TSPEAR: variants seen among roughly 807,000 people sequenced by gnomAD.
TSPEAR encodes the protein thrombospondin type laminin G domain and EAR repeats, also known as thrombospondin-type laminin G domain and EAR repeat-containing protein.
In TSPEAR, 69 loss-of-function variants were observed where a neutral mutation model predicts 71.6. The observed-to-expected ratio is 0.96, with a 90% CI of 0.79 to 1.18. TSPEAR has a LOEUF of 1.18. Among genes scored for constraint, TSPEAR ranks in the 50% most tolerant of loss-of-function variants. TSPEAR has a pLI of 0.00. For missense variants in TSPEAR, 971 were observed against 894.9 expected (o/e 1.09, Z -1.09); for synonymous variants, 402 against 387.2 (o/e 1.04, Z -0.45).
Position 44,710,899 on chromosome 21 carries a change from A to G in TSPEAR, c.82+534T>C, listed in dbSNP as rs1315875647. 6.6e-6 allele frequency among the ~76,000 whole-genome samples: 1 copy of G among 152,104 alleles called. No individual in the cohort carries two copies. The highest frequency in any genetic ancestry group is 6.5e-5 in the Admixed American group (1 of 15,286). ...CTCCACTCAGACCAGATTACGCCCC[A>G]AAGAACCGAGCCCTTCACTCCAGAG... On this transcript the variant is annotated intron_variant, in intron 1 of 11. Transcript: ENST00000323084. The surrounding 1 kb of genome is among the most constrained non-coding windows in gnomAD (Gnocchi z 4.6).
rs782788968 is a variant in TSPEAR at position 44,601,280 on chromosome 21, C to A, written c.83-33275G>T. 9 of 1,609,210 alleles carry A rather than the reference C, an allele frequency of 5.6e-6. No homozygotes were observed. In the South Asian group the frequency reaches 8.8e-5, roughly 16 times the overall value. On this transcript the variant is annotated intron_variant, in intron 1 of 11. Transcript: ENST00000323084. ...TCTAGCTGCAAGCCGGCTTGCTGCA[C>A]CTCCTCCCCTTGCCAGCAGGCCTGC...
At chr21:44,525,239 T>C (rs995306053) in intron 8 of TSPEAR, among the ~76,000 whole-genome samples, 1 of 152,142 alleles carries the variant, frequency 6.6e-6, no homozygotes, top group African/African-American at 2.4e-5. Flanking sequence ...GTCAGGTAGT[T>C]AGTCATGTAA....
chr21:44,702,626 G>A, intron 1 of TSPEAR: 3 of 1,601,546 alleles, frequency 1.9e-6, no homozygotes, highest in Non-Finnish European at 2.6e-6. Flanking sequence ...TCCCTCCTCT[G>A]CCACCCTGTG....
intron 1 of TSPEAR, chr21:44,676,068 A>G (rs1986298851): frequency 3.4e-6 from 3 of 870,438 alleles, no homozygotes; most frequent in Admixed American, 3.4e-5. Context: ...TAGGAGGCAT[A>G]TGACAGTAAT....
At chr21:44,573,723 T>C in intron 1 of TSPEAR, 1 of 1,588,078 alleles carries the variant, frequency 6.3e-7, no homozygotes, top group Non-Finnish European at 8.6e-7. Context: ...CCCTCCCATC[T>C]CCCCCAGCTC....
chr21:44,544,919 A>C (rs1160260719), intron 2 of TSPEAR, among the ~76,000 whole-genome samples: 2 of 152,198 alleles, frequency 1.3e-5, no homozygotes, highest in African/African-American at 4.8e-5. Context: ...ATCTAATATC[A>C]GATCACCAAA....
chr21:44,549,815 C>T (rs1185795382), intron 2 of TSPEAR, among the ~76,000 whole-genome samples: 1 of 152,232 alleles, frequency 6.6e-6, no homozygotes, highest in African/African-American at 2.4e-5. Flanking sequence ...CTCCGCCCAC[C>T]CAGCCCAGCA....
At chr21:44,666,278 G>T in intron 1 of TSPEAR, 1 of 882,328 alleles carries the variant, frequency 1.1e-6, no homozygotes, top group Non-Finnish European at 1.7e-6. Flanking sequence ...GGCAAGGTCA[G>T]CAAGGGCTCC....
At chr21:44,538,306 T>C (rs2078783951) in intron 2 of TSPEAR, among the ~76,000 whole-genome samples, 1 of 152,066 alleles carries the variant, frequency 6.6e-6, no homozygotes, top group South Asian at 2.1e-4. Context: ...AGGCAGCTCA[T>C]GCTCCCCGCG....
In TSPEAR at chr21:44,525,660, G is replaced by A; in HGVS notation, c.1329C>T (p.His443=). The stretch of plus-strand genomic sequence containing the variant: ...AGGCCACTCCTGCCCTACCTTCCCG[G>A]TGGTTGGCCACCGCCAGGAAGTGCT... ...DGEHFLAVAN[H]REGDNHNIDS... The change falls in exon 8 of 12, where the codon CAC becomes CAT. Residue 443 remains histidine (H), a synonymous_variant. Transcript: ENST00000323084. The A allele has an allele frequency of 5.6e-6, 9 of 1,614,110 alleles. No homozygotes were observed. The highest frequency in any genetic ancestry group is 7.6e-6 in the Non-Finnish European group (9 of 1,180,002).
At position 44,678,245 on chromosome 21, in the gene TSPEAR, C is replaced by T. The variant is rs369091155; in HGVS notation, c.82+33188G>A. ...CCCAAACTTGAAATGTAATCCCCAG[C>T]GCTGGAGGTGGAGCCTGGTAGGAGG... is the stretch of plus-strand genomic sequence containing the variant. On this transcript the variant is annotated intron_variant, in intron 1 of 11. Transcript: ENST00000323084. 7.2e-5 allele frequency among the ~76,000 whole-genome samples: 11 copies of T among 152,146 alleles called. No homozygotes were observed. The South Asian group carries it at 8.3e-4, about 11-fold the overall frequency.
At chr21:44,541,515 G>C (rs2053222739) in intron 2 of TSPEAR, among the ~76,000 whole-genome samples, 1 of 152,200 alleles carries the variant, frequency 6.6e-6, no homozygotes, top group Non-Finnish European at 1.5e-5. Context: ...GCATTAGAGA[G>C]AAACTGCACA....
rs1555914826 is a variant in TSPEAR at position 44,525,663 on chromosome 21, G to A, written c.1326C>T (p.Asn442=). The A allele has an allele frequency of 6.2e-7, 1 of 1,613,996 alleles. No individual in the cohort carries two copies. Among genetic ancestry groups the A allele is most frequent in the African/African-American group, 1.3e-5 (1 of 74,918 alleles). ...VDGEHFLAVA[N]HREGDNHNID... is the part of the protein sequence containing the mutation. ...CCACTCCTGCCCTACCTTCCCGGTGGTTGGCCACCGCCAGGAAGTGCTCCC... is the reference window on the plus strand; with the variant it reads ...CCACTCCTGCCCTACCTTCCCGGTGATTGGCCACCGCCAGGAAGTGCTCCC... The change falls in exon 8 of 12, where the codon AAC becomes AAT. Residue 442 remains asparagine, a synonymous_variant. Transcript: ENST00000323084.
chr21:44,616,802 G>C (rs1211458648), intron 1 of TSPEAR, among the ~76,000 whole-genome samples: 1 of 152,240 alleles, frequency 6.6e-6, no homozygotes, highest in Non-Finnish European at 1.5e-5. Context: ...AAGGCAGCAC[G>C]TGCCCGCACA....
chr21:44,583,067 T>C (rs782247478), intron 1 of TSPEAR, among the ~76,000 whole-genome samples: 1 of 152,112 alleles, frequency 6.6e-6, no homozygotes, highest in Non-Finnish European at 1.5e-5. Context: ...GTCTCGAACT[T>C]ATGGCCTCAA....
rs782437471 is a variant in TSPEAR at position 44,525,635 on chromosome 21, A to G, written c.1336+18T>C. 11 of 1,611,160 alleles carry G rather than the reference A, an allele frequency of 6.8e-6. No individual in the cohort carries two copies. The African/African-American group carries it at 1.5e-4, about 22-fold the overall frequency. Reference sequence around the variant, plus strand: ...CTGGAATGGTTGCCTCCCGGTGTGAAGGCCACTCCTGCCCTACCTTCCCGG... The same window carrying G: ...CTGGAATGGTTGCCTCCCGGTGTGAGGGCCACTCCTGCCCTACCTTCCCGG... On this transcript the variant is annotated intron_variant, in intron 8 of 11. Coordinates refer to ENST00000323084, the MANE Select transcript of TSPEAR (RefSeq NM_144991.3).
rs587616678 is a variant in TSPEAR at position 44,506,041 on chromosome 21, G to A, written c.1755-1160C>T. The stretch of plus-strand genomic sequence containing the variant: ...TTCTTCTCTCAGCATTGTGTCTTCA[G>A]CTGTGAGGTCAGCGGCCGTGAGGTC... On this transcript the variant is annotated intron_variant, in intron 10 of 11. Coordinates refer to ENST00000323084, the MANE Select transcript of TSPEAR (RefSeq NM_144991.3). This position sits in a 1 kb window ranked among gnomAD's most constrained non-coding sequence, Gnocchi z 4.2. 6.6e-6 allele frequency among the ~76,000 whole-genome samples: 1 copy of A among 152,310 alleles called. No homozygotes were observed. The highest frequency in any genetic ancestry group is 2.1e-4 in the South Asian group (1 of 4,826).
At chr21:44,668,378 T>A (rs987490443) in intron 1 of TSPEAR, among the ~76,000 whole-genome samples, 8 of 152,020 alleles carry the variant, frequency 5.3e-5, no homozygotes, top group African/African-American at 1.9e-4. Flanking sequence ...CTACAAAACG[T>A]TGAAAGAAAT....
chr21:44,649,489 C>T (rs1340655814), intron 1 of TSPEAR, among the ~76,000 whole-genome samples: 2 of 152,216 alleles, frequency 1.3e-5, no homozygotes, highest in African/African-American at 2.4e-5. Flanking sequence ...CAACAGCCCC[C>T]TTCTACTGAG....
Sources: allele counts gnomAD v4.1 joint callset (sites outside exome capture counted in the v4.1 genomes callset), GRCh38; gene constraint gnomAD v4.1.1; non-coding constraint Gnocchi (gnomAD v3.1); transcripts MANE v1.5; gene names NCBI Gene and HGNC (gene_info 2026-07-23, HGNC 2026-07-21).